The following SLFN12L variants were observed in gnomAD, a reference collection of about 807,000 sequenced individuals.
The protein encoded by SLFN12L is schlafen family member 12 like, also known as schlafen family member 12-like.
SLFN12L carries 34 observed loss-of-function variants against 34.8 expected under a neutral mutation model. The observed-to-expected ratio is 0.98, with a 90% CI of 0.74 to 1.30. The LOEUF (loss-of-function observed/expected upper bound fraction) is 1.30, where lower values mean the gene tolerates loss of function less well. Among genes scored for constraint, SLFN12L ranks in the 50% most tolerant of loss-of-function variants. SLFN12L has a pLI of 0.00. For synonymous variants in SLFN12L, 259 were observed against 247.5 expected, an observed-to-expected ratio of 1.05 and a Z score of -0.44; for missense variants, 703 against 696.2, an observed-to-expected ratio of 1.01 and a Z score of -0.11.
chr17:35,517,469 C>G (rs1827921088), intron 2 of SLFN12L, among the ~76,000 whole-genome samples: 1 of 152,180 alleles, frequency 6.6e-6, no homozygotes, highest in Non-Finnish European at 1.5e-5. Flanking sequence ...AATGGCCATA[C>G]TGCCCAAAGT....
At chr17:35,491,060 A>G in intron 2 of SLFN12L, 2 of 785,384 alleles carry the variant, frequency 2.5e-6, no homozygotes, top group Non-Finnish European at 4.7e-6. Flanking sequence ...AATTCCTTCT[A>G]ATCCTCTAGT....
At chr17:35,499,038 C>T in intron 2 of SLFN12L, 2 of 757,382 alleles carry the variant, frequency 2.6e-6, no homozygotes, top group Non-Finnish European at 4.6e-6. Flanking sequence ...AGAAATCTCC[C>T]CTGATAGCAA....
chr17:35,503,483 T>A (rs1289695000), intron 2 of SLFN12L, among the ~76,000 whole-genome samples: 1 of 152,138 alleles, frequency 6.6e-6, no homozygotes, highest in African/African-American at 2.4e-5. Flanking sequence ...CATACTAATA[T>A]AAAGGTGAAA....
chr17:35,536,849 A>G (rs902486246), intron 1 of SLFN12L, among the ~76,000 whole-genome samples: 1 of 151,488 alleles, frequency 6.6e-6, no homozygotes, highest in South Asian at 2.1e-4. Flanking sequence ...CCCTTTTCAT[A>G]GTGATGAAGC....
intron 1 of SLFN12L, among the ~76,000 whole-genome samples, chr17:35,536,104 C>A (rs1332896126): frequency 3.3e-5 from 5 of 152,154 alleles, no homozygotes; most frequent in Non-Finnish European, 7.3e-5. Context: ...CAGGCATGAG[C>A]AACCACATCC....
chr17:35,469,131 C>T lies in SLFN12L; in HGVS notation c.*5792G>A, dbSNP rs1192720604. Among the ~76,000 whole-genome samples the T allele has an allele frequency of 6.6e-6, 1 of 151,064 alleles. No individual in the cohort carries two copies. Among genetic ancestry groups the T allele is most frequent in the Non-Finnish European group, 1.5e-5 (1 of 67,778 alleles). On this transcript the variant is annotated 3_prime_UTR_variant, in exon 5 of 5. Coordinates refer to ENST00000628453, the MANE Select transcript of SLFN12L (RefSeq NM_001363830.2). ...ACCACTAACTCCCCAGTGCCTACCC[C>T]TACTACCCCCTCAAGCTTTCCCCCG... is the stretch of plus-strand genomic sequence containing the variant.
chr17:35,536,939 G>A (rs2072467870), intron 1 of SLFN12L, among the ~76,000 whole-genome samples: 1 of 152,106 alleles, frequency 6.6e-6, no homozygotes, highest in African/African-American at 2.4e-5. Context: ...ACATTGGGAG[G>A]CCAAGGTGGG....
chr17:35,520,484 C>T (rs1915964326), intron 2 of SLFN12L, among the ~76,000 whole-genome samples: 1 of 152,164 alleles, frequency 6.6e-6, no homozygotes, highest in South Asian at 2.1e-4. Context: ...ATGGCTCATG[C>T]CTGTAATCCC....
chr17:35,476,573 G>A (rs58745116), intron 4 of SLFN12L, among the ~76,000 whole-genome samples: 54,734 of 151,570 alleles, frequency 0.36, 10,202 homozygotes, highest in Middle Eastern at 0.43. Context: ...TTAAAGAGCT[G>A]AACATCACTT....
At chr17:35,499,112 A>T (rs901797750) in intron 2 of SLFN12L, 13 of 858,102 alleles carry the variant, frequency 1.5e-5, no homozygotes, top group Middle Eastern at 4.8e-4. Context: ...CCAGGAAGTT[A>T]AAATCAGAGT....
At chr17:35,487,020 G>T (rs1012993073) in intron 2 of SLFN12L, among the ~76,000 whole-genome samples, 1 of 152,218 alleles carries the variant, frequency 6.6e-6, no homozygotes, top group Non-Finnish European at 1.5e-5. Context: ...GCGCAAGAGG[G>T]TGCTTGGTTT....
chr17:35,515,079 C>T (rs1915769340), intron 2 of SLFN12L: 1 of 622,188 alleles, frequency 1.6e-6, no homozygotes, highest in South Asian at 1.4e-5. Flanking sequence ...TTCTGGACGC[C>T]TATTCTTTAA....
At chr17:35,520,242 C>T (rs1915957279) in intron 2 of SLFN12L, among the ~76,000 whole-genome samples, 1 of 152,222 alleles carries the variant, frequency 6.6e-6, no homozygotes, top group South Asian at 2.1e-4. Flanking sequence ...GCTCCACCAG[C>T]CCTAACTACA....
At chr17:35,493,706 C>T (rs1344893021) in intron 2 of SLFN12L, among the ~76,000 whole-genome samples, 2 of 152,134 alleles carry the variant, frequency 1.3e-5, no homozygotes, top group Non-Finnish European at 2.9e-5. Context: ...ACTTTAAGTA[C>T]AAAGTTAGGT....
intron 2 of SLFN12L, chr17:35,498,355 C>A: frequency 9.8e-7 from 1 of 1,024,236 alleles, no homozygotes; most frequent in Non-Finnish European, 1.6e-6. Flanking sequence ...GCCAATCTCA[C>A]GGTACACAGA....
chr17:35,506,768 A>G (rs571122826), intron 2 of SLFN12L, among the ~76,000 whole-genome samples: 69 of 152,144 alleles, frequency 4.5e-4, no homozygotes, highest in Admixed American at 1.0e-3. Flanking sequence ...GAAGCCCGAG[A>G]ATTAGTACCT....
At chr17:35,520,658 T>A (rs962726585) in intron 2 of SLFN12L, among the ~76,000 whole-genome samples, 3 of 151,860 alleles carry the variant, frequency 2.0e-5, no homozygotes, top group Non-Finnish European at 4.4e-5. Flanking sequence ...GGCAGGAGAA[T>A]TTGCTTGAAC....
intron 2 of SLFN12L, chr17:35,515,049 A>C: frequency 1.7e-6 from 1 of 579,030 alleles, no homozygotes; most frequent in Non-Finnish European, 3.4e-6. Context: ...CTCCTCGGCC[A>C]GCTTCTGTTT....
chr17:35,478,582 C>T (rs1352727898), intron 3 of SLFN12L: 3 of 181,724 alleles, frequency 1.7e-5, no homozygotes, highest in Non-Finnish European at 3.4e-5. Context: ...GTTGCTAGTT[C>T]TGGTCTAATC....
Sources: gnomAD v4.1 joint callset for allele counts (sites outside exome capture counted in the v4.1 genomes callset) on GRCh38, gnomAD v4.1.1 for gene constraint, MANE v1.5 for transcripts, NCBI Gene and HGNC (gene_info 2026-07-23, HGNC 2026-07-21) for gene names.